The following PER3 variants were observed in gnomAD, a reference collection of about 807,000 sequenced individuals.
PER3 encodes period circadian regulator 3.
A neutral mutation model predicts 127.2 loss-of-function variants in PER3; 107 were observed. The ratio of observed to expected loss-of-function variants is 0.84; its 90% confidence interval spans 0.72 to 0.99. PER3 has a LOEUF of 0.99. Ranked by LOEUF, PER3 falls within the 50% of genes least tolerant of loss-of-function variation. The pLI, the probability that PER3 is intolerant of heterozygous loss-of-function variation, is 0.00. For synonymous variants in PER3, 618 were observed against 585.8 expected (o/e 1.05, Z -0.79); for missense variants, 1,560 against 1,525.8 (o/e 1.02, Z -0.37).
intron 8 of PER3, 120 bp from the exon 9 acceptor site, chr1:7,802,927 T>G (rs1031206044): frequency 1.4e-6 from 1 of 706,496 alleles, no homozygotes; most frequent in African/African-American, 1.7e-5. Flanking sequence ...TTATAAATGC[T>G]AAGATAAACA....
At chr1:7,830,661 T>C (rs1299659888) in intron 19 of PER3, among the ~76,000 whole-genome samples, 2 of 152,326 alleles carry the variant, frequency 1.3e-5, no homozygotes, top group Non-Finnish European at 2.9e-5. Flanking sequence ...GTGTATGGTA[T>C]GAGGAAGGGT....
chr1:7,810,756 G>C, intron 13 of PER3, 168 bp downstream of exon 13: 1 of 518,198 alleles, frequency 1.9e-6, no homozygotes, highest in Non-Finnish European at 3.4e-6. Context: ...TAATAATAAT[G>C]GCAGCAACAA....
intron 10 of PER3, among the ~76,000 whole-genome samples, chr1:7,807,880 G>A (rs570594675): frequency 2.6e-5 from 4 of 152,236 alleles, no homozygotes; most frequent in African/African-American, 7.2e-5. Context: ...GAGAAAATAC[G>A]TGTAAAGCAC....
chr1:7,801,595 GA>G (rs1168350479), intron 8 of PER3, among the ~76,000 whole-genome samples: 5 of 152,180 alleles, frequency 3.3e-5, no homozygotes, highest in Non-Finnish European at 7.4e-5. Flanking sequence ...AGTTTATGAT[GA>G]AATTTCAGTT....
chr1:7,790,894 C>T (rs1482350745), intron 5 of PER3, among the ~76,000 whole-genome samples: 1 of 152,256 alleles, frequency 6.6e-6, no homozygotes, highest in South Asian at 2.1e-4. Context: ...GACTCCATGT[C>T]TCACATCCAG....
chr1:7,832,184 CT>C (rs1193675878), intron 19 of PER3, among the ~76,000 whole-genome samples: 1 of 151,744 alleles, frequency 6.6e-6, no homozygotes, highest in Non-Finnish European at 1.5e-5. Flanking sequence ...TTAATATTCC[CT>C]TTTCCTTTTA....
intron 16 of PER3, among the ~76,000 whole-genome samples, chr1:7,821,699 A>G (rs922426154): frequency 6.6e-5 from 10 of 152,190 alleles, no homozygotes; most frequent in African/African-American, 1.7e-4. Context: ...ACTAAAGTCT[A>G]TATGCTTTAG....
At chr1:7,789,328 G>C (rs1450304172) in intron 5 of PER3, among the ~76,000 whole-genome samples, 1 of 152,116 alleles carries the variant, frequency 6.6e-6, no homozygotes, top group Non-Finnish European at 1.5e-5. Flanking sequence ...AACCCAGTGG[G>C]AGATAATTGC....
intron 5 of PER3, among the ~76,000 whole-genome samples, chr1:7,788,725 A>G (rs1467930847): frequency 1.3e-5 from 2 of 152,028 alleles, no homozygotes; most frequent in Non-Finnish European, 2.9e-5. Context: ...CCAACATGGT[A>G]AAACCCCATC....
At chr1:7,787,741 C>T (rs1351051571) in intron 4 of PER3, 2 of 393,070 alleles carry the variant, frequency 5.1e-6, no homozygotes, top group African/African-American at 4.1e-5. Flanking sequence ...GAACACCGTC[C>T]ACCCAGGTGT....
rs763174263 is a variant in PER3 at position 7,809,927 on chromosome 1, GC to G, written c.1279del (p.Leu427TrpfsTer32). The G allele has an allele frequency of 6.2e-7, 1 of 1,614,134 alleles. No homozygotes were observed. Among genetic ancestry groups the G allele is most frequent in the East Asian group, 2.2e-5 (1 of 44,884 alleles). On this transcript the variant is annotated frameshift_variant, in exon 12 of 22. Coordinates refer to ENST00000377532, the MANE Select transcript of PER3 (RefSeq NM_001377275.1). LOFTEE classifies it high-confidence loss of function. ...GTGAGCGTGTCCAGCGGCTACGGGA[GC>G]CTGGGGAGCAGCGGGTCGCAGGAGC... ...VHVSVSSGYGSLGSSGSQEQL... is the reference protein window; with the variant it reads ...VHVSVSSGYGXLGSSGSQEQL...
Position 7,784,714 on chromosome 1 carries a change from T to G in PER3, c.-164T>G, listed in dbSNP as rs2097076763. ...TGAAAATGTTGGAGGGAAAAGCTCC[T>G]CGGAGATGAGCGTGACCCCCTGGCT... On this transcript the variant is annotated 5_prime_UTR_variant, in exon 2 of 22. Coordinates refer to ENST00000377532, the MANE Select transcript of PER3 (RefSeq NM_001377275.1). 5.8e-5 allele frequency: 37 copies of G among 637,178 alleles called. No individual in the cohort carries two copies. In the South Asian group the frequency reaches 1.2e-3, roughly 20 times the overall value. The allele number at this position is 637,178 out of a possible 1,614,324, so 39.5% of individuals were successfully genotyped here. A position where few individuals can be genotyped will look rare whatever the true frequency, so the allele number is the denominator to read the frequency against.
In PER3 at chr1:7,827,161, A is replaced by G. The variant is rs1016895436; in HGVS notation, c.2232A>G (p.Lys744=). The G allele has an allele frequency of 2.5e-5, 41 of 1,610,270 alleles. No individual in the cohort carries two copies. The highest frequency in any genetic ancestry group is 3.4e-5 in the Non-Finnish European group (40 of 1,178,628). Residue 744 remains lysine, a synonymous_variant, in exon 18 of 22, where the codon AAA becomes AAG. Coordinates refer to ENST00000377532, the MANE Select transcript of PER3 (RefSeq NM_001377275.1). ...AGACGCGGTCGGCCGGCTGCAGGAA[A>G]GGGAAGCACAAGCGGAAGAAGCTGC... ...SKQTRSAGCR[K]GKHKRKKLPE...
Position 7,819,396 on chromosome 1 carries a change from T to A in PER3, c.1634T>A (p.Ile545Asn), listed in dbSNP as rs1329707681. The change falls in exon 14 of 22, where the codon ATC (isoleucine) becomes AAC (asparagine). Residue 545 changes from isoleucine (I) to asparagine (N), a missense_variant. Around this residue, in one of 3 missense-constraint regions of PER3, gnomAD observed 1,332 missense variants for 1,223.6 expected, o/e 1.09. Transcript: ENST00000377532. ...NDEHSPSYQQ[I>N]NCIDSVIRYL... is the part of the protein sequence containing the mutation. ...GAGCACAGCCCATCCTATCAACAGA[T>A]CAACTGTATCGACAGTGTCATCAGG... 1 of 1,614,052 alleles carries A rather than the reference T, an allele frequency of 6.2e-7. No homozygotes were observed. Among genetic ancestry groups the A allele is most frequent in the South Asian group, 1.1e-5 (1 of 91,076 alleles).
chr1:7,810,352 C>A, intron 12 of PER3, 86 bp from the exon 13 acceptor site: 1 of 983,116 alleles, frequency 1.0e-6, no homozygotes, highest in Admixed American at 2.5e-5. Context: ...TTCAAAGAAA[C>A]AGAAGCTAAG....
At chr1:7,787,063 T>G in intron 4 of PER3, 1 of 438,380 alleles carries the variant, frequency 2.3e-6, no homozygotes, top group Non-Finnish European at 4.0e-6. Context: ...GTGACTTTGG[T>G]TATGAGGTGC....
chr1:7,790,134 A>G (rs1577632813), intron 5 of PER3, among the ~76,000 whole-genome samples: 3 of 151,930 alleles, frequency 2.0e-5, no homozygotes, highest in Admixed American at 6.6e-5. Flanking sequence ...CAGCCTTTTC[A>G]TTTTTGCTGA....
In PER3 at chr1:7,827,620, A is replaced by G. The variant is rs1182827370; in HGVS notation, c.2691A>G (p.Pro897=). 59 of 1,614,012 alleles carry G rather than the reference A, an allele frequency of 3.7e-5. No individual in the cohort carries two copies. Among genetic ancestry groups the G allele is most frequent in the Non-Finnish European group, 4.9e-5 (58 of 1,180,016 alleles). Residue 897 remains proline, a synonymous_variant, in exon 18 of 22, where the codon CCA becomes CCG. Transcript: ENST00000377532. ...ISPSMSSAMS[P]TLDPPPSVTS... is the part of the protein sequence containing the mutation. Reference sequence around the variant, plus strand: ...CCTCAATGTCGTCAGCAATGAGTCCAACTCTGGACCCACCCCCTTCAGTCA... The same window carrying G: ...CCTCAATGTCGTCAGCAATGAGTCCGACTCTGGACCCACCCCCTTCAGTCA...
chr1:7,787,157 C>T (rs1175008186), intron 4 of PER3: 1 of 420,936 alleles, frequency 2.4e-6, no homozygotes, highest in African/African-American at 2.1e-5. Context: ...GCACCTTATT[C>T]TAATCTCCGA....
Sources: gnomAD v4.1 joint callset for allele counts (sites outside exome capture counted in the v4.1 genomes callset) on GRCh38, gnomAD v4.1.1 for gene constraint, gnomAD v4.1.1 regional missense constraint, MANE v1.5 for transcripts, NCBI Gene and HGNC (gene_info 2026-07-23, HGNC 2026-07-21) for gene names.